The following EPHA6 variants were observed in gnomAD, a reference collection of about 807,000 sequenced individuals.
EPHA6 encodes EPH receptor A6.
A neutral mutation model predicts 112.0 loss-of-function variants in EPHA6; 50 were observed. That is an observed-to-expected ratio of 0.45 (90% CI 0.36 to 0.56). The LOEUF (loss-of-function observed/expected upper bound fraction) is 0.56. EPHA6 is among the 20% of genes least tolerant of loss of function. The pLI is 0.00. For missense variants in EPHA6, 1,280 were observed against 1,417.4 expected (o/e 0.90, Z 1.56); for synonymous variants, 529 against 490.7 (o/e 1.08, Z -1.03).
chr3:97,119,947 C>G lies in EPHA6; in HGVS notation c.1115-106317C>G, dbSNP rs536754129. 7.2e-4 allele frequency among the ~76,000 whole-genome samples: 109 copies of G among 151,930 alleles called. 1 individual carries two copies. The highest frequency in any genetic ancestry group is 1.0e-4 in the Non-Finnish European group (7 of 67,928). On this transcript the variant is annotated intron_variant, in intron 3 of 17. Coordinates refer to ENST00000389672, the MANE Select transcript of EPHA6 (RefSeq NM_001080448.3). ...TGCCCTCCTTTTGAATGCTGAGACT[C>G]ATTTGCTGAATTCCGGAGTTGCAGC...
intron 5 of EPHA6, among the ~76,000 whole-genome samples, chr3:97,401,781 CT>C (rs2087007942): frequency 6.6e-6 from 1 of 151,520 alleles, no homozygotes; most frequent in African/African-American, 2.4e-5. Flanking sequence ...AATATTTCTA[CT>C]TTTTAAATAT....
chr3:97,067,943 G>T (rs544052581), intron 3 of EPHA6, among the ~76,000 whole-genome samples: 1 of 151,892 alleles, frequency 6.6e-6, no homozygotes, highest in East Asian at 1.9e-4. Context: ...CCAGGAGTTC[G>T]AGACCAGCCT....
At chr3:97,463,588 T>C (rs2090959961) in intron 7 of EPHA6, among the ~76,000 whole-genome samples, 1 of 152,150 alleles carries the variant, frequency 6.6e-6, no homozygotes, top group Non-Finnish European at 1.5e-5. Flanking sequence ...AAGAAAGATT[T>C]ATAGAAGCCA....
At position 96,829,982 on chromosome 3, in the gene EPHA6, C is replaced by CACACACACACACAT. The variant is rs771678119; in HGVS notation, c.385+14981_385+14982insCACACATACACACA. Among the ~76,000 whole-genome samples, 141 of 148,248 alleles carry CACACACACACACAT rather than the reference C, an allele frequency of 9.5e-4. 2 individuals carry two copies. The highest frequency in any genetic ancestry group is 2.8e-3 in the Admixed American group (40 of 14,258). ...ACACACACACACACACACACACACA[C>CACACACACACACAT]ACACACAGAAATGGTATGCTATTTG... is the stretch of plus-strand genomic sequence containing the variant. On this transcript the variant is annotated intron_variant, in intron 1 of 17. Transcript: ENST00000389672.
intron 2 of EPHA6, among the ~76,000 whole-genome samples, chr3:96,927,199 A>C (rs2040081698): frequency 6.6e-6 from 1 of 152,202 alleles, no homozygotes; most frequent in African/African-American, 2.4e-5. Context: ...TCTTTTAGCC[A>C]CGACTGGAGC....
At chr3:96,894,713 T>G (rs1177899597) in intron 2 of EPHA6, among the ~76,000 whole-genome samples, 1 of 151,956 alleles carries the variant, frequency 6.6e-6, no homozygotes, top group Non-Finnish European at 1.5e-5. Context: ...GCAAACAACT[T>G]TAATGTGGAC....
intron 3 of EPHA6, among the ~76,000 whole-genome samples, chr3:97,164,633 T>C (rs564046419): frequency 6.6e-6 from 1 of 152,214 alleles, no homozygotes; most frequent in South Asian, 2.1e-4. Flanking sequence ...CAATTATATC[T>C]TCAAATAACT....
intron 3 of EPHA6, among the ~76,000 whole-genome samples, chr3:97,167,398 T>C (rs2076567501): frequency 6.6e-6 from 1 of 152,154 alleles, no homozygotes. Flanking sequence ...GTCTCAATGA[T>C]TTCTGTTTCA....
chr3:96,888,577 C>G (rs2037770463), intron 2 of EPHA6, among the ~76,000 whole-genome samples: 1 of 152,194 alleles, frequency 6.6e-6, no homozygotes. Flanking sequence ...GAAGCCACAG[C>G]CTGAGCTCTA....
chr3:97,229,226 T>C (rs1485800650), intron 4 of EPHA6, among the ~76,000 whole-genome samples: 1 of 152,174 alleles, frequency 6.6e-6, no homozygotes, highest in Non-Finnish European at 1.5e-5. Flanking sequence ...TTTAATTAGG[T>C]CTTATCTATT....
At chr3:97,506,049 A>C (rs969982007) in intron 10 of EPHA6, among the ~76,000 whole-genome samples, 8 of 151,906 alleles carry the variant, frequency 5.3e-5, no homozygotes, top group Non-Finnish European at 1.0e-4. Context: ...TTTCTCGTAA[A>C]TTTGTTTAAG....
chr3:96,986,536 T>A (rs1319612243), intron 2 of EPHA6, among the ~76,000 whole-genome samples: 2 of 152,204 alleles, frequency 1.3e-5, no homozygotes, highest in African/African-American at 4.8e-5. Flanking sequence ...AATGCGTAAA[T>A]GTCACTACCT....
intron 3 of EPHA6, among the ~76,000 whole-genome samples, chr3:97,165,851 G>A (rs938282201): frequency 6.6e-6 from 1 of 152,116 alleles, no homozygotes; most frequent in African/African-American, 2.4e-5. Flanking sequence ...TGATTTCTTT[G>A]AAAGTCTAGT....
rs369507243 is a variant in EPHA6 at position 96,987,548 on chromosome 3, T to C, written c.669T>C (p.Tyr223=). 3.1e-5 allele frequency: 50 copies of C among 1,613,918 alleles called. No homozygotes were observed. In the East Asian group the frequency reaches 7.8e-4, roughly 25 times the overall value. ...GCAAAGAAACATTTAATCTGTTTTA[T>C]ATGGAATCAGATGAGTCCCACGGAA... ...GTCKETFNLF[Y]MESDESHGIK... is the part of the protein sequence containing the mutation. The change falls in exon 3 of 18, where the codon TAT becomes TAC. Residue 223 remains tyrosine, a synonymous_variant. Coordinates refer to ENST00000389672, the MANE Select transcript of EPHA6 (RefSeq NM_001080448.3).
intron 2 of EPHA6, among the ~76,000 whole-genome samples, chr3:96,939,826 G>T (rs1021609114): frequency 4.6e-5 from 7 of 152,150 alleles, no homozygotes; most frequent in African/African-American, 1.7e-4. Flanking sequence ...TGGTTTCAAA[G>T]AACATCTTTA....
intron 10 of EPHA6, among the ~76,000 whole-genome samples, chr3:97,499,562 A>T (rs1272375100): frequency 6.6e-6 from 1 of 152,160 alleles, no homozygotes. Context: ...CCAAACCTAG[A>T]TGGCAGCATC....
chr3:97,648,409 T>C (rs1197137455), intron 14 of EPHA6: 17 of 1,514,154 alleles, frequency 1.1e-5, no homozygotes, highest in South Asian at 1.4e-5. Context: ...TAAAAAATAA[T>C]GAAGCAGCAT....
intron 14 of EPHA6, among the ~76,000 whole-genome samples, chr3:97,642,991 A>G (rs1490051562): frequency 2.0e-5 from 3 of 151,444 alleles, no homozygotes. Flanking sequence ...CATAATTGTC[A>G]GATTCACCAA....
intron 16 of EPHA6, chr3:97,745,427 T>C (rs1027770603): frequency 6.7e-6 from 3 of 446,006 alleles, no homozygotes; most frequent in Non-Finnish European, 1.3e-5. Context: ...CGTTGCAATA[T>C]GTAGTACAGG....
Sources: gnomAD v4.1 joint callset for allele counts (sites outside exome capture counted in the v4.1 genomes callset) on GRCh38, gnomAD v4.1.1 for gene constraint, MANE v1.5 for transcripts, NCBI Gene and HGNC (gene_info 2026-07-23, HGNC 2026-07-21) for gene names.